REDIC1: variants seen among roughly 807,000 people sequenced by gnomAD.
REDIC1 encodes the protein regulator of DNA class I crossover intermediates 1.
chr12:39,683,521 G>A, the REDIC1 span: 1 of 1,417,710 alleles, frequency 7.1e-7, no homozygotes, highest in East Asian at 2.3e-5. Flanking sequence ...TACAAATCAG[G>A]ATCTAGTATG....
At chr12:39,704,646 A>T in the REDIC1 span, among the ~76,000 whole-genome samples, 1 of 152,204 alleles carries the variant, frequency 6.6e-6, no homozygotes. Flanking sequence ...GGCATTATTT[A>T]CAATAGCAAA....
the REDIC1 span, among the ~76,000 whole-genome samples, chr12:39,896,382 A>C: frequency 1.1e-4 from 14 of 128,870 alleles, 1 homozygote; most frequent in Admixed American, 9.9e-4. Context: ...ACATATATGT[A>C]TGTATATGTG....
the REDIC1 span, among the ~76,000 whole-genome samples, chr12:39,739,875 A>T: frequency 6.6e-6 from 1 of 152,238 alleles, no homozygotes; most frequent in South Asian, 2.1e-4. Context: ...TGTTGTGCCA[A>T]TTCTCAGCCT....
chr12:39,886,191 T>C, the REDIC1 span, among the ~76,000 whole-genome samples: 16 of 152,224 alleles, frequency 1.1e-4, no homozygotes, highest in Admixed American at 1.0e-3. Context: ...GAGGAACTAG[T>C]TGAACTGTAA....
At chr12:39,720,839 T>A in the REDIC1 span, 33 of 1,612,764 alleles carry the variant, frequency 2.0e-5, no homozygotes, top group African/African-American at 3.5e-4. Context: ...TCAAATAGGA[T>A]GACCATCAAA....
chr12:39,838,687 C>A, the REDIC1 span, among the ~76,000 whole-genome samples: 2 of 151,964 alleles, frequency 1.3e-5, no homozygotes, highest in Non-Finnish European at 2.9e-5. Context: ...TATTTTCATT[C>A]AATCAATCGT....
the REDIC1 span, among the ~76,000 whole-genome samples, chr12:39,719,962 C>T: frequency 6.6e-6 from 1 of 151,576 alleles, no homozygotes; most frequent in African/African-American, 2.4e-5. Context: ...AAGCCTATAC[C>T]CCTTTTTATA....
the REDIC1 span, among the ~76,000 whole-genome samples, chr12:39,813,178 C>A: frequency 6.6e-6 from 1 of 151,438 alleles, no homozygotes; most frequent in African/African-American, 2.4e-5. Context: ...TTTAAAACTT[C>A]TTTTATTGGA....
chr12:39,649,962 T>C, the REDIC1 span, among the ~76,000 whole-genome samples: 1 of 151,934 alleles, frequency 6.6e-6, no homozygotes, highest in Admixed American at 6.6e-5. Context: ...TGTTTTTTTG[T>C]TTTTTTATTT....
At chr12:39,760,823 T>C in the REDIC1 span, among the ~76,000 whole-genome samples, 2 of 151,946 alleles carry the variant, frequency 1.3e-5, no homozygotes, top group African/African-American at 4.8e-5. Flanking sequence ...AGGGTCATGA[T>C]AGCAAGCCTA....
the REDIC1 span, among the ~76,000 whole-genome samples, chr12:39,900,376 T>A: frequency 6.6e-6 from 1 of 152,108 alleles, no homozygotes; most frequent in Admixed American, 6.6e-5. Flanking sequence ...GGGATTATAT[T>A]AGGAAAAGAG....
the REDIC1 span, among the ~76,000 whole-genome samples, chr12:39,833,378 G>T: frequency 6.6e-6 from 1 of 151,886 alleles, no homozygotes; most frequent in Non-Finnish European, 1.5e-5. Context: ...CTTACTCCAA[G>T]AACAACTGCT....
the REDIC1 span, among the ~76,000 whole-genome samples, chr12:39,750,187 A>G: frequency 6.6e-6 from 1 of 152,224 alleles, no homozygotes; most frequent in Non-Finnish European, 1.5e-5. Context: ...TCAGCCCAAA[A>G]TCTCCTTAAG....
At chr12:39,753,636 T>C in the REDIC1 span, among the ~76,000 whole-genome samples, 19 of 152,146 alleles carry the variant, frequency 1.2e-4, no homozygotes, top group African/African-American at 4.1e-4. Context: ...CTAGTAGTTG[T>C]TCTCAGGAAA....
the REDIC1 span, among the ~76,000 whole-genome samples, chr12:39,864,102 A>C: frequency 1.3e-5 from 2 of 152,222 alleles, no homozygotes; most frequent in Non-Finnish European, 1.5e-5. Context: ...CGATGTGTCC[A>C]ATCACTCAAA....
the REDIC1 span, among the ~76,000 whole-genome samples, chr12:39,631,102 C>T: frequency 0.12 from 18,276 of 152,176 alleles, 1,161 homozygotes; most frequent in Middle Eastern, 0.14. Context: ...ATTGGCCAGG[C>T]TGGTCTCAAA....
At chr12:39,694,493 C>T in the REDIC1 span, among the ~76,000 whole-genome samples, 15,433 of 152,102 alleles carry the variant, frequency 0.1, 941 homozygotes, top group Middle Eastern at 0.14. Flanking sequence ...CTTGTTATAA[C>T]AGAAAGCAAA....
the REDIC1 span, among the ~76,000 whole-genome samples, chr12:39,896,310 A>ATGTATG: frequency 1.0e-4 from 13 of 126,736 alleles, no homozygotes; most frequent in African/African-American, 3.6e-4. Context: ...ATATGTATAC[A>ATGTATG]TATATGTATG....
the REDIC1 span, among the ~76,000 whole-genome samples, chr12:39,867,650 G>A: frequency 6.6e-6 from 1 of 152,070 alleles, no homozygotes; most frequent in Non-Finnish European, 1.5e-5. Flanking sequence ...TTCCTAAATA[G>A]GTAAAAGTTA....
Sources: allele counts gnomAD v4.1 joint callset (sites outside exome capture counted in the v4.1 genomes callset), GRCh38; gene constraint gnomAD v4.1.1; transcripts MANE v1.5; gene names NCBI Gene and HGNC (gene_info 2026-07-23, HGNC 2026-07-21).